Variants in GAGE10 observed in about 807,000 individuals in gnomAD.
GAGE10 encodes the protein G antigen 10.
A neutral mutation model predicts 11.5 loss-of-function variants in GAGE10; 9 were observed. That is an observed-to-expected ratio of 0.78 (90% CI 0.47 to 1.37). GAGE10 has a LOEUF of 1.37. GAGE10 is among the 40% of genes most tolerant of loss of function. The pLI is 0.00. For missense variants in GAGE10, 83 were observed against 92.9 expected (o/e 0.89, Z 0.44); for synonymous variants, 23 against 29.7 (o/e 0.77, Z 0.73).
chrX:49,319,304 C>G (rs868965404), intron 4 of GAGE10, among the ~76,000 whole-genome samples: 1 of 110,465 alleles, frequency 9.1e-6, no homozygotes, highest in African/African-American at 3.3e-5. Flanking sequence ...TCTAATAAGA[C>G]GGTAGACACA....
intron 4 of GAGE10, among the ~76,000 whole-genome samples, chrX:49,317,511 C>A (rs1354163152): frequency 1.8e-5 from 2 of 111,348 alleles, no homozygotes; most frequent in East Asian, 5.6e-4. Context: ...ATGTGCCCAG[C>A]TAATTTTTGT....
intron 3 of GAGE10, among the ~76,000 whole-genome samples, chrX:49,309,542 G>C (rs1156314549): frequency 8.9e-6 from 1 of 112,388 alleles, no homozygotes; most frequent in African/African-American, 3.2e-5. Flanking sequence ...TGCTCTGACG[G>C]CTACAGAGTT....
chrX:49,305,842 G>T (rs1442780186), intron 3 of GAGE10, among the ~76,000 whole-genome samples: 1 of 111,281 alleles, frequency 9.0e-6, no homozygotes, highest in African/African-American at 3.3e-5. Flanking sequence ...TCCAAGGTTT[G>T]TGTCTTCCTA....
chrX:49,308,746 A>G (rs2066365813), intron 3 of GAGE10, among the ~76,000 whole-genome samples: 1 of 111,554 alleles, frequency 9.0e-6, no homozygotes, highest in African/African-American at 3.3e-5. Context: ...TGCCAGCCCA[A>G]CTGGGAGTGT....
chrX:49,313,151 T>C (rs1223213279), intron 3 of GAGE10, among the ~76,000 whole-genome samples: 2 of 112,282 alleles, frequency 1.8e-5, no homozygotes, highest in African/African-American at 6.5e-5. Flanking sequence ...GGGTTGCCTT[T>C]AACCCTAGGA....
At chrX:49,310,756 C>A (rs1305715420) in intron 3 of GAGE10, among the ~76,000 whole-genome samples, 1 of 109,613 alleles carries the variant, frequency 9.1e-6, no homozygotes, top group Admixed American at 9.7e-5. Flanking sequence ...CCCGATTAGC[C>A]CCCCCCCACA....
chrX:49,312,469 T>A (rs1303744169), intron 3 of GAGE10, among the ~76,000 whole-genome samples: 3 of 113,027 alleles, frequency 2.7e-5, no homozygotes, highest in African/African-American at 9.6e-5. Context: ...TTGCAATTAT[T>A]AGAAGCCATA....
At chrX:49,307,552 C>A (rs1277133930) in intron 3 of GAGE10, among the ~76,000 whole-genome samples, 1 of 109,606 alleles carries the variant, frequency 9.1e-6, no homozygotes, top group Non-Finnish European at 1.9e-5. Flanking sequence ...AATCTTGGCT[C>A]ACTGCAACCT....
In GAGE10 at chrX:49,304,906, A is replaced by G. The variant is rs377736170; in HGVS notation, c.47A>G (p.Tyr16Cys). 1.4e-5 allele frequency: 17 copies of G among 1,207,699 alleles called. No individual in the cohort carries two copies. The African/African-American group carries it at 2.8e-4, about 20-fold the overall frequency. The change falls in exon 2 of 5, where the codon TAC becomes TGC. Residue 16 changes from tyrosine (Y) to cysteine (C), a missense_variant. By Grantham distance (194) the Tyr-to-Cys change is radical. This residue lies in a region of GAGE10 where 15 missense variants were observed against 25.5 expected (regional missense o/e 0.59). Transcript: ENST00000407599. The part of the protein sequence containing the change: ...RSTYRPRPRR[Y>C]VEPPEMIGPM... ...ACCTATCGGCCTAGACCAAGACGCT[A>G]CGTAGAGCCCCCTGAAATGATTGGG...
chrX:49,317,459 T>A (rs1377353691), intron 4 of GAGE10, among the ~76,000 whole-genome samples, 171 bp downstream of exon 4: 1 of 111,890 alleles, frequency 8.9e-6, no homozygotes, highest in Non-Finnish European at 1.9e-5. Context: ...GTGATTCTCC[T>A]GTATGAGCCT....
intron 4 of GAGE10, 127 bp downstream of exon 4, chrX:49,317,415 T>A (rs1329000685): frequency 2.0e-6 from 2 of 1,016,710 alleles, no homozygotes; most frequent in Admixed American, 5.9e-5. Context: ...TGGTGGCATC[T>A]CGGCTCATTG....
chrX:49,317,253 T>C lies in GAGE10; in HGVS notation c.293T>C (p.Leu98Pro), dbSNP rs782621638. 1 of 1,205,975 alleles carries C rather than the reference T, an allele frequency of 8.3e-7. No homozygotes were observed. The highest frequency in any genetic ancestry group is 1.8e-5 in the South Asian group (1 of 56,739). ...GDGPDGQEMG[L>P]PNPEEVKRPE... ...GGTCCTGATGGCCAGGAGATGGGCC[T>C]GCCAAATCCAGAGGAGGTGAAAAGG... is the stretch of plus-strand genomic sequence containing the variant. The change falls in exon 4 of 5, where the codon CTG becomes CCG. Residue 98 changes from leucine to proline, a missense_variant. Physicochemically the swap from Leu to Pro is moderately conservative, Grantham distance 98 (BLOSUM62 -3). This residue lies in a region of GAGE10 where 66 missense variants were observed against 35.4 expected (regional missense o/e 1.87). Transcript: ENST00000407599.
chrX:49,304,265 G>A (rs1375884596), intron 1 of GAGE10, among the ~76,000 whole-genome samples: 1 of 112,380 alleles, frequency 8.9e-6, no homozygotes, highest in Non-Finnish European at 1.9e-5. Context: ...TCTCACCTCC[G>A]CCATGGAAGG....
At chrX:49,317,412 A>G in intron 4 of GAGE10, 124 bp downstream of exon 4, 1 of 1,012,893 alleles carries the variant, frequency 9.9e-7, no homozygotes, top group South Asian at 2.2e-5. Flanking sequence ...CAGTGGTGGC[A>G]TCTCGGCTCA....
chrX:49,317,295 A>T lies in GAGE10; in HGVS notation c.328+7A>T. 1 of 1,201,919 alleles carries T rather than the reference A, an allele frequency of 8.3e-7. No homozygotes were observed. The highest frequency in any genetic ancestry group is 1.1e-6 in the Non-Finnish European group (1 of 889,264). On this transcript the variant is annotated splice_region_variant and intron_variant, in intron 4 of 4. Coordinates refer to ENST00000407599, the MANE Select transcript of GAGE10 (RefSeq NM_001098413.4). ...GTGAAAAGGCCTGAAGAAGGTAGGG[A>T]ATCCATTAGGCATGCACATTGTAGG...
intron 3 of GAGE10, among the ~76,000 whole-genome samples, chrX:49,311,085 T>G (rs1286599709): frequency 9.0e-6 from 1 of 110,705 alleles, no homozygotes; most frequent in African/African-American, 3.3e-5. Context: ...ACACAATAAG[T>G]GGGGAATGCT....
chrX:49,306,480 C>T (rs1299258452), intron 3 of GAGE10, among the ~76,000 whole-genome samples: 1 of 112,108 alleles, frequency 8.9e-6, no homozygotes, highest in East Asian at 2.8e-4. Flanking sequence ...CTATTTACCT[C>T]AATAAGTAAT....
chrX:49,304,321 A>C (rs1177360268), intron 1 of GAGE10, among the ~76,000 whole-genome samples: 2 of 112,725 alleles, frequency 1.8e-5, no homozygotes, highest in Non-Finnish European at 3.8e-5. Flanking sequence ...CGGTCCAATC[A>C]AACTTGATTT....
At chrX:49,308,730 GTGGC>G (rs1205538713) in intron 3 of GAGE10, among the ~76,000 whole-genome samples, 1 of 111,913 alleles carries the variant, frequency 8.9e-6, no homozygotes, top group Admixed American at 9.4e-5. Flanking sequence ...GGGTGCAAGA[GTGGC>G]TTGCCAGCCC....
Sources: allele counts gnomAD v4.1 joint callset (sites outside exome capture counted in the v4.1 genomes callset), GRCh38; gene constraint gnomAD v4.1.1; regional missense constraint gnomAD v4.1.1; transcripts MANE v1.5; gene names NCBI Gene and HGNC (gene_info 2026-07-23, HGNC 2026-07-21).